SCN10A: variants seen among roughly 807,000 people sequenced by gnomAD.
SCN10A encodes the protein sodium channel protein type 10 subunit alpha.
SCN10A carries 162 observed loss-of-function variants against 170.7 expected under a neutral mutation model. The observed-to-expected ratio is 0.95, with a 90% CI of 0.84 to 1.08. The LOEUF is 1.08. Ranked by LOEUF, SCN10A falls within the 50% of genes least tolerant of loss-of-function variation. SCN10A has a pLI of 0.00. For missense variants in SCN10A, 2,527 were observed against 2,436.9 expected (o/e 1.04, Z -0.78); for synonymous variants, 985 against 904.6 (o/e 1.09, Z -1.59).
In SCN10A at chr3:38,702,104, C is replaced by T. The variant is rs1420674697; in HGVS notation, c.4392G>A (p.Lys1464=). The T allele has an allele frequency of 1.3e-6, 2 of 1,545,168 alleles. No homozygotes were observed. The highest frequency in any genetic ancestry group is 1.4e-5 in the African/African-American group (1 of 72,536). ...PQKPIPRPLN[K]FQGFVFDIVT... ...CGATGTCAAAGACAAAACCCTGGAA[C>T]TTGTTCTGAGAAAACAAGAGATAGT... The change falls in exon 27 of 28, where the codon AAG becomes AAA. Residue 1464 remains lysine, a synonymous_variant. Transcript: ENST00000449082.
At chr3:38,773,289 G>C (rs1237007265) in intron 4 of SCN10A, among the ~76,000 whole-genome samples, 4 of 152,100 alleles carry the variant, frequency 2.6e-5, no homozygotes, top group Admixed American at 2.0e-4. Context: ...GGGCAGCATA[G>C]AGAGACTTTG....
At chr3:38,776,174 T>C (rs1360167312) in intron 4 of SCN10A, among the ~76,000 whole-genome samples, 1 of 152,112 alleles carries the variant, frequency 6.6e-6, no homozygotes, top group East Asian at 1.9e-4. Context: ...TTATTCATTG[T>C]CATGGCTCCC....
intron 22 of SCN10A, among the ~76,000 whole-genome samples, chr3:38,713,428 C>T (rs1045053662): frequency 5.3e-5 from 8 of 151,966 alleles, no homozygotes; most frequent in African/African-American, 1.7e-4. Context: ...GCTTGTGGAG[C>T]GATGATTCAG....
At chr3:38,796,073 C>G (rs1262561284) in intron 1 of SCN10A, among the ~76,000 whole-genome samples, 2 of 152,046 alleles carry the variant, frequency 1.3e-5, no homozygotes, top group Admixed American at 1.3e-4. Context: ...CCATGGGGCT[C>G]AGATCTTCAT....
Position 38,771,285 on chromosome 3 carries a change from G to T in SCN10A, c.593C>A (p.Thr198Asn), listed in dbSNP as rs761321050. The T allele has an allele frequency of 6.2e-7, 1 of 1,613,946 alleles. No individual in the cohort carries two copies. The highest frequency in any genetic ancestry group is 2.2e-5 in the East Asian group (1 of 44,866). The change falls in exon 5 of 28, where the codon ACC becomes AAC. Residue 198 changes from threonine to asparagine, a missense_variant. Coordinates refer to ENST00000449082, the MANE Select transcript of SCN10A (RefSeq NM_006514.4). ...TGCATAGAGATATACTCACGCCAGG[G>T]TAATGACGCTAAAATCCAGCCAGTT... is the stretch of plus-strand genomic sequence containing the variant. ...PWNWLDFSVI[T>N]LAYVGTAIDL...
chr3:38,777,216 A>C (rs879408232), intron 4 of SCN10A, among the ~76,000 whole-genome samples: 1 of 152,056 alleles, frequency 6.6e-6, no homozygotes, highest in Non-Finnish European at 1.5e-5. Flanking sequence ...TAAAGGAAGA[A>C]ACAAGTTTGT....
At chr3:38,753,117 G>A (rs1442270367) in intron 11 of SCN10A, among the ~76,000 whole-genome samples, 1 of 152,198 alleles carries the variant, frequency 6.6e-6, no homozygotes, top group Non-Finnish European at 1.5e-5. Flanking sequence ...GAGACTGAAG[G>A]AAGGGTTGCA....
intron 19 of SCN10A, 71 bp downstream of exon 19, chr3:38,723,359 T>G: frequency 4.4e-6 from 7 of 1,577,636 alleles, no homozygotes; most frequent in South Asian, 1.1e-5. Context: ...GGATCCCAGG[T>G]GAGTGTTCGC....
chr3:38,723,635 G>T, intron 18 of SCN10A, 82 bp from the exon 19 acceptor site: 3 of 1,487,718 alleles, frequency 2.0e-6, no homozygotes, highest in Non-Finnish European at 2.7e-6. Flanking sequence ...AGGTTCAACT[G>T]CACCCATGTT....
chr3:38,723,590 T>C lies in SCN10A; in HGVS notation c.3229-37A>G, dbSNP rs376306161. ...AAGCCCAGGGCAGTGAACTCGTCTC[T>C]CCGCGGGGCCCGGGGAATTGCACAC... On this transcript the variant is annotated intron_variant, in intron 18 of 27. Coordinates refer to ENST00000449082, the MANE Select transcript of SCN10A (RefSeq NM_006514.4). 984 of 1,554,590 alleles carry C rather than the reference T, an allele frequency of 6.3e-4. 2 individuals carry two copies. The highest frequency in any genetic ancestry group is 5.0e-4 in the Non-Finnish European group (572 of 1,148,398).
intron 19 of SCN10A, 100 bp downstream of exon 19, chr3:38,723,330 C>A: frequency 2.1e-6 from 3 of 1,462,204 alleles, no homozygotes; most frequent in Non-Finnish European, 2.8e-6. Flanking sequence ...CAAGTGGGCA[C>A]AGCTTGTTTG....
intron 4 of SCN10A, among the ~76,000 whole-genome samples, chr3:38,772,160 A>G (rs574495530): frequency 4.9e-4 from 74 of 152,268 alleles, no homozygotes; most frequent in African/African-American, 1.7e-3. Flanking sequence ...AAAGGCAAAC[A>G]ACTCCCCTCC....
At position 38,728,897 on chromosome 3, in the gene SCN10A, C is replaced by T. The variant is rs778131235; in HGVS notation, c.2285G>A (p.Arg762His). The change falls in exon 16 of 28, where the codon CGC becomes CAC. Residue 762 changes from arginine to histidine, a missense_variant. By Grantham distance (29) the Arg-to-His change is conservative. Coordinates refer to ENST00000449082, the MANE Select transcript of SCN10A (RefSeq NM_006514.4). ...LSVLRSFRLL[R>H]VFKLAKSWPT... ...CCAGGATTTGGCCAGCTTGAATACG[C>T]GCAGCTGCAGAGAAACAGAGACCGT... 30 of 1,604,808 alleles carry T rather than the reference C, an allele frequency of 1.9e-5. No individual in the cohort carries two copies. In the East Asian group the frequency reaches 2.0e-4, roughly 11 times the overall value.
chr3:38,741,305 C>A (rs1032433434), intron 14 of SCN10A, among the ~76,000 whole-genome samples: 28 of 152,122 alleles, frequency 1.8e-4, no homozygotes, highest in African/African-American at 6.5e-4. Flanking sequence ...CACACACACA[C>A]ACACACACAC....
intron 5 of SCN10A, among the ~76,000 whole-genome samples, chr3:38,767,712 T>A (rs1323353159): frequency 6.6e-6 from 1 of 152,194 alleles, no homozygotes; most frequent in Non-Finnish European, 1.5e-5. Flanking sequence ...ATGTATATTC[T>A]GCAGTTGTTT....
intron 15 of SCN10A, among the ~76,000 whole-genome samples, 188 bp from the exon 16 acceptor site, chr3:38,729,089 G>T (rs547789572): frequency 6.6e-6 from 1 of 152,158 alleles, no homozygotes; most frequent in Non-Finnish European, 1.5e-5. Context: ...AATATGATCT[G>T]CCTTCTATGG....
chr3:38,812,776 G>C (rs2064449150), intron 1 of SCN10A, among the ~76,000 whole-genome samples: 1 of 152,140 alleles, frequency 6.6e-6, no homozygotes, highest in Non-Finnish European at 1.5e-5. Context: ...GCTCACACCT[G>C]TAATCCCATC....
At chr3:38,791,323 C>G (rs73826358) in intron 3 of SCN10A, among the ~76,000 whole-genome samples, 20,607 of 152,156 alleles carry the variant, frequency 0.14, 1,511 homozygotes, top group South Asian at 0.19. Context: ...CTTTTTTCTA[C>G]TAGTTTGGCT....
chr3:38,803,252 A>G (rs966215980), intron 1 of SCN10A, among the ~76,000 whole-genome samples: 2 of 152,196 alleles, frequency 1.3e-5, no homozygotes, highest in African/African-American at 4.8e-5. Context: ...CAATTCCTCA[A>G]GGATCTAAAA....
Sources: allele counts gnomAD v4.1 joint callset (sites outside exome capture counted in the v4.1 genomes callset), GRCh38; gene constraint gnomAD v4.1.1; transcripts MANE v1.5; gene names NCBI Gene and HGNC (gene_info 2026-07-23, HGNC 2026-07-21).